Variants in MAPK8 observed in about 807,000 individuals in gnomAD.
The protein encoded by MAPK8 is JUN N-terminal kinase.
Under a neutral mutation model 52.9 loss-of-function variants are expected in MAPK8, and 13 were observed. That is an observed-to-expected ratio of 0.25 (90% confidence interval 0.16 to 0.39). The LOEUF (loss-of-function observed/expected upper bound fraction) is 0.39. Ranked by LOEUF, MAPK8 falls within the 10% of genes least tolerant of loss-of-function variation. MAPK8 has a pLI of 1.00. For missense variants in MAPK8, 300 were observed against 519.2 expected (o/e 0.58, Z 4.10); for synonymous variants, 191 against 169.8 (o/e 1.12, Z -0.97).
rs142442458 is a variant in MAPK8, at chr10:48,313,869, C to T, written c.-50+7048C>T. 1.5e-3 allele frequency among the ~76,000 whole-genome samples: 228 copies of T among 152,344 alleles called. 1 individual carries two copies. The highest frequency in any genetic ancestry group is 5.2e-3 in the African/African-American group (215 of 41,578). ...CTCCGAGGTTCAGGTGATTCTCCTG[C>T]CTCAGCCTCCTGAGTAGCTGGGATT... On this transcript the variant is annotated intron_variant, in intron 1 of 11. Transcript: ENST00000374189.
intron 5 of MAPK8, among the ~76,000 whole-genome samples, chr10:48,415,340 G>T (rs1020691306): frequency 3.3e-5 from 5 of 152,046 alleles, no homozygotes; most frequent in South Asian, 2.1e-4. Context: ...AAATAGAAAG[G>T]TTCCAGATTA....
chr10:48,328,789 C>A (rs1329858086), intron 1 of MAPK8, among the ~76,000 whole-genome samples: 1 of 152,160 alleles, frequency 6.6e-6, no homozygotes, highest in African/African-American at 2.4e-5. Flanking sequence ...TAACTGTATC[C>A]AGCCAAACTC....
intron 1 of MAPK8, among the ~76,000 whole-genome samples, chr10:48,327,575 A>G (rs996634728): frequency 1.3e-5 from 2 of 152,120 alleles, no homozygotes; most frequent in African/African-American, 4.8e-5. Context: ...TTTTATTATT[A>G]TTAGAGTAAG....
chr10:48,346,819 C>G (rs939212809), intron 1 of MAPK8, among the ~76,000 whole-genome samples: 1 of 152,166 alleles, frequency 6.6e-6, no homozygotes, highest in Non-Finnish European at 1.5e-5. Flanking sequence ...CTGTCTTTCT[C>G]TGTCTCCTCT....
rs199974312 is a variant in MAPK8, at chr10:48,422,006, CTTATTTATTTAT to C, written c.616+1717_616+1728del. Among the ~76,000 whole-genome samples, 1,331 of 143,940 alleles carry C rather than the reference CTTATTTATTTAT, an allele frequency of 9.2e-3. 21 individuals carry two copies. The highest frequency in any genetic ancestry group is 0.032 in the African/African-American group (1,245 of 38,384). The allele number at this position is 143,940 out of a possible 152,430, so 94.4% of individuals were successfully genotyped here. A position where few individuals can be genotyped will look rare whatever the true frequency, so the allele number is the denominator to read the frequency against. On this transcript the variant is annotated intron_variant, in intron 6 of 11. Transcript: ENST00000374189. The stretch of plus-strand genomic sequence containing the variant: ...GACACCTCACACTCATTTTATTTAT[CTTATTTATTTAT>C]TTATTTATTTATTTATTTATTTATT...
intron 1 of MAPK8, among the ~76,000 whole-genome samples, chr10:48,371,737 G>GC (rs954815866): frequency 2.6e-5 from 4 of 152,046 alleles, no homozygotes; most frequent in African/African-American, 4.8e-5. Context: ...CCACAACACT[G>GC]CCCCCCTACT....
intron 1 of MAPK8, among the ~76,000 whole-genome samples, chr10:48,383,146 A>G (rs1285178179): frequency 1.3e-5 from 2 of 151,918 alleles, no homozygotes; most frequent in Non-Finnish European, 2.9e-5. Flanking sequence ...CACCAAAACC[A>G]ATAAGCCTTA....
intron 6 of MAPK8, 146 bp from the exon 7 acceptor site, chr10:48,423,942 T>C: frequency 2.0e-6 from 1 of 498,046 alleles, no homozygotes; most frequent in Non-Finnish European, 3.5e-6. Context: ...ATTTGTGTTT[T>C]AAATTATTCC....
At chr10:48,412,690 T>G (rs2042823681) in intron 5 of MAPK8, among the ~76,000 whole-genome samples, 1 of 152,228 alleles carries the variant, frequency 6.6e-6, no homozygotes, top group South Asian at 2.1e-4. Flanking sequence ...TGTGGCTGCT[T>G]TCTTCAAAAT....
intron 11 of MAPK8, among the ~76,000 whole-genome samples, chr10:48,433,545 CCT>C (rs746181176): frequency 6.6e-5 from 10 of 152,056 alleles, no homozygotes; most frequent in Non-Finnish European, 1.3e-4. Flanking sequence ...ACCTCTTTTA[CCT>C]CTCATCTCTC....
At chr10:48,394,058 A>G (rs1408576308) in intron 1 of MAPK8, among the ~76,000 whole-genome samples, 1 of 151,926 alleles carries the variant, frequency 6.6e-6, no homozygotes, top group Non-Finnish European at 1.5e-5. Flanking sequence ...TTTCCTTGAA[A>G]AACACAAACT....
chr10:48,315,598 TAAGTTTTTTTTTTTTTGCTGGAAATGGC>T (rs1842421333), intron 1 of MAPK8, among the ~76,000 whole-genome samples: 1 of 116,950 alleles, frequency 8.6e-6, no homozygotes, highest in South Asian at 2.4e-4. Flanking sequence ...TTTATATATT[TAAGTTTTTTTTTTTTTGCTGGAAATGGC>T]ATCTTTTTTT....
intron 1 of MAPK8, among the ~76,000 whole-genome samples, chr10:48,393,353 A>T (rs2463959): frequency 0.71 from 108,199 of 152,038 alleles, 38,837 homozygotes; most frequent in African/African-American, 0.81. Context: ...TCAAGATTAT[A>T]TTTTTGGACT....
At position 48,367,973 on chromosome 10, in the gene MAPK8, C is replaced by T. The variant is rs145924740; in HGVS notation, c.-49-33639C>T. ...GAGAGAATTAAATTAACTTATATTA[C>T]AATACCTACTTGCTACAGGAGATAA... is the stretch of plus-strand genomic sequence containing the variant. On this transcript the variant is annotated intron_variant, in intron 1 of 11. Transcript: ENST00000374189. Among the ~76,000 whole-genome samples the T allele has an allele frequency of 7.6e-3, 1,151 of 152,242 alleles. 13 individuals carry two copies. The highest frequency in any genetic ancestry group is 0.026 in the African/African-American group (1,072 of 41,556).
chr10:48,354,933 T>C (rs1183810317), intron 1 of MAPK8, among the ~76,000 whole-genome samples: 1 of 152,022 alleles, frequency 6.6e-6, no homozygotes, highest in African/African-American at 2.4e-5. Context: ...CATCCCAGAG[T>C]TGAAAGTTTT....
chr10:48,341,609 C>T lies in MAPK8; in HGVS notation c.-50+34788C>T, dbSNP rs369644659. On this transcript the variant is annotated intron_variant, in intron 1 of 11. Coordinates refer to ENST00000374189, the MANE Select transcript of MAPK8 (RefSeq NM_001323329.2). Reference sequence around the variant, plus strand: ...TAAATACTGTTTGGTGCTTATTATGCGCCAGGCAGTATGCTTAGACTTCAA... The same window carrying T: ...TAAATACTGTTTGGTGCTTATTATGTGCCAGGCAGTATGCTTAGACTTCAA... Among the ~76,000 whole-genome samples the T allele has an allele frequency of 2.6e-5, 4 of 152,236 alleles. No homozygotes were observed. In the South Asian group the frequency reaches 6.2e-4, roughly 24 times the overall value.
chr10:48,369,694 A>G (rs1848378718), intron 1 of MAPK8, among the ~76,000 whole-genome samples: 1 of 152,148 alleles, frequency 6.6e-6, no homozygotes, highest in Non-Finnish European at 1.5e-5. Context: ...GAGGGGGGAA[A>G]ATGAGCCTAC....
chr10:48,308,881 T>C (rs1178389875), intron 1 of MAPK8, among the ~76,000 whole-genome samples: 1 of 152,246 alleles, frequency 6.6e-6, no homozygotes, highest in Non-Finnish European at 1.5e-5. Flanking sequence ...AAGTTAAAGC[T>C]CTTTTCCACT....
intron 5 of MAPK8, among the ~76,000 whole-genome samples, chr10:48,413,429 T>A (rs2042868205): frequency 6.6e-6 from 1 of 152,190 alleles, no homozygotes; most frequent in Non-Finnish European, 1.5e-5. Context: ...TTTCAGTTAT[T>A]CCTCATTCTT....
Sources: gnomAD v4.1 joint callset for allele counts (sites outside exome capture counted in the v4.1 genomes callset) on GRCh38, gnomAD v4.1.1 for gene constraint, MANE v1.5 for transcripts, NCBI Gene and HGNC (gene_info 2026-07-23, HGNC 2026-07-21) for gene names.